The following TEX36 variants were observed in gnomAD, a reference collection of about 807,000 sequenced individuals.
The protein encoded by TEX36 is testis-expressed protein 36.
A neutral mutation model predicts 13.6 loss-of-function variants in TEX36; 12 were observed. The ratio of observed to expected loss-of-function variants is 0.88; its 90% CI spans 0.56 to 1.43. The LOEUF (loss-of-function observed/expected upper bound fraction) is 1.43, where lower values mean the gene tolerates loss of function less well. Ranked by LOEUF, TEX36 falls within the 40% of genes most tolerant of loss-of-function variation. The pLI is 0.00. For missense variants in TEX36, 224 were observed against 228.3 expected (o/e 0.98, Z 0.12); for synonymous variants, 93 against 83.0 (o/e 1.12, Z -0.65).
At chr10:125,588,012 A>G (rs146633966) in intron 3 of TEX36, among the ~76,000 whole-genome samples, 5 of 152,292 alleles carry the variant, frequency 3.3e-5, no homozygotes, top group African/African-American at 1.2e-4. Context: ...ACCATAATCT[A>G]TTTAATCATT....
At chr10:125,629,235 C>T (rs190511384) in intron 3 of TEX36, among the ~76,000 whole-genome samples, 2 of 152,146 alleles carry the variant, frequency 1.3e-5, no homozygotes, top group South Asian at 2.1e-4. Flanking sequence ...GCAAGGAGCA[C>T]CCTGTGATAG....
chr10:125,646,581 C>T lies in TEX36; in HGVS notation c.264+14440G>A, dbSNP rs529621357. Among the ~76,000 whole-genome samples, 89 of 152,100 alleles carry T rather than the reference C, an allele frequency of 5.9e-4. No individual in the cohort carries two copies. In the Middle Eastern group the frequency reaches 0.01, roughly 17 times the overall value. On this transcript the variant is annotated intron_variant, in intron 3 of 3. Transcript: ENST00000526819. ...TAGTAAACATGAAAGCATACATTAA[C>T]GAGATCAAAAGCAAACAACAGCAAC...
At chr10:125,596,417 C>T (rs569303963) in intron 3 of TEX36, among the ~76,000 whole-genome samples, 14 of 152,210 alleles carry the variant, frequency 9.2e-5, no homozygotes, top group African/African-American at 3.4e-4. Flanking sequence ...TAAAGCAAAA[C>T]TGTTGGCTTT....
chr10:125,654,281 C>A (rs1288469857), downstream of TEX36, among the ~76,000 whole-genome samples: 1 of 151,980 alleles, frequency 6.6e-6, no homozygotes. Flanking sequence ...TCTGCCAAAA[C>A]CAATCTAAAA....
At chr10:125,637,763 A>G (rs1052210902) in intron 3 of TEX36, among the ~76,000 whole-genome samples, 3 of 152,060 alleles carry the variant, frequency 2.0e-5, no homozygotes, top group East Asian at 1.9e-4. Flanking sequence ...CAGCGGCCTC[A>G]AGAACCTTGC....
intron 3 of TEX36, among the ~76,000 whole-genome samples, chr10:125,602,638 C>T (rs531893430): frequency 3.4e-4 from 52 of 152,248 alleles, no homozygotes; most frequent in African/African-American, 7.5e-4. Context: ...CTGTGAGTGC[C>T]GGCTCTGTGT....
intron 3 of TEX36, among the ~76,000 whole-genome samples, chr10:125,630,869 G>A (rs1019323759): frequency 1.3e-5 from 2 of 152,112 alleles, no homozygotes; most frequent in Admixed American, 1.3e-4. Flanking sequence ...AGTCTTCCAG[G>A]ATGTAGCTCT....
chr10:125,617,485 G>T (rs866263861), downstream of TEX36, among the ~76,000 whole-genome samples: 186 of 152,264 alleles, frequency 1.2e-3, 2 homozygotes, highest in Middle Eastern at 3.4e-3. Flanking sequence ...AGGCCTGGTG[G>T]TGACAAAATC....
chr10:125,610,507 G>A lies in TEX36; in HGVS notation c.265-33633C>T, dbSNP rs1477245583. 2.0e-5 allele frequency among the ~76,000 whole-genome samples: 3 copies of A among 151,688 alleles called. 1 individual carries two copies. Among genetic ancestry groups the A allele is most frequent in the African/African-American group, 7.3e-5 (3 of 40,960 alleles). On this transcript the variant is annotated intron_variant, in intron 3 of 3. Transcript: ENST00000532135. ...CTGAATCGGAACTTGTGTTTCAAAA[G>A]ATCTCCTGGCGATGCCCATGCATAT...
downstream of TEX36, among the ~76,000 whole-genome samples, chr10:125,650,812 GA>G (rs1299604136): frequency 2.0e-5 from 3 of 152,040 alleles, no homozygotes; most frequent in Non-Finnish European, 4.4e-5. Flanking sequence ...TGATCAAGGG[GA>G]TATCACCACC....
chr10:125,601,950 C>T (rs948396251), intron 3 of TEX36, among the ~76,000 whole-genome samples: 6 of 152,194 alleles, frequency 3.9e-5, no homozygotes, highest in Non-Finnish European at 8.8e-5. Flanking sequence ...TGTCCCTGCT[C>T]TTGCTGCTCT....
chr10:125,583,427 T>C (rs1228802141), intron 3 of TEX36, among the ~76,000 whole-genome samples: 1 of 151,918 alleles, frequency 6.6e-6, no homozygotes, highest in Non-Finnish European at 1.5e-5. Context: ...ATGAACGCTG[T>C]GTTTTTGCAT....
intron 1 of TEX36, 36 bp from the exon 2 acceptor site, chr10:125,662,013 C>T (rs1276949321): frequency 1.9e-6 from 3 of 1,552,108 alleles, no homozygotes; most frequent in East Asian, 4.9e-5. Context: ...TAAAACCAGA[C>T]ACATTTGAAT....
Position 125,673,931 on chromosome 10 carries a change from G to A in TEX36, c.51+9008C>T, listed in dbSNP as rs181961392. On this transcript the variant is annotated intron_variant, in intron 1 of 3. Transcript: ENST00000368821. Reference sequence around the variant, plus strand: ...TGATCTTCTTGTGGAATATCTTACTGGGGCTCTCTGTGTTTCCTGAATTTG... The same window carrying A: ...TGATCTTCTTGTGGAATATCTTACTAGGGCTCTCTGTGTTTCCTGAATTTG... Among the ~76,000 whole-genome samples, 3 of 152,070 alleles carry A rather than the reference G, an allele frequency of 2.0e-5. No individual in the cohort carries two copies. In the East Asian group the frequency reaches 5.8e-4, roughly 29 times the overall value.
chr10:125,674,974 C>T (rs930631992), intron 1 of TEX36, among the ~76,000 whole-genome samples: 18 of 152,248 alleles, frequency 1.2e-4, no homozygotes, highest in Admixed American at 7.2e-4. Flanking sequence ...GGGGAATCTC[C>T]GCTCATCCAG....
At position 125,661,085 on chromosome 10, in the gene TEX36, T is replaced by C. The variant is rs1375072643; in HGVS notation, c.200A>G (p.Gln67Arg). Residue 67 changes from glutamine to arginine, a missense_variant, in exon 3 of 4, where the codon CAG (glutamine) becomes CGG (arginine). By Grantham distance (43) the Gln-to-Arg change is conservative (BLOSUM62 1). Transcript: ENST00000368821. The stretch of plus-strand genomic sequence containing the variant: ...ATTGTCATGCACGGAGAAGGGGAAC[T>C]GGTTATTCACTGCTTGCTGGAAAAG... ...KVREKQAVNN[Q>R]FPFSVHDNRH... 6.4e-7 allele frequency: 1 copy of C among 1,552,000 alleles called. No homozygotes were observed. Among genetic ancestry groups the C allele is most frequent in the Non-Finnish European group, 8.7e-7 (1 of 1,147,046 alleles).
chr10:125,632,342 T>C (rs1252757493), intron 3 of TEX36, among the ~76,000 whole-genome samples: 3 of 152,180 alleles, frequency 2.0e-5, no homozygotes, highest in Non-Finnish European at 2.9e-5. Flanking sequence ...TGAAATCCTC[T>C]TGGCTTGTCT....
intron 3 of TEX36, among the ~76,000 whole-genome samples, chr10:125,634,608 A>G (rs1302509913): frequency 6.6e-6 from 1 of 152,226 alleles, no homozygotes; most frequent in Non-Finnish European, 1.5e-5. Flanking sequence ...GTAAAAGGTT[A>G]TCTTTTCTGC....
intron 1 of TEX36, among the ~76,000 whole-genome samples, chr10:125,664,820 T>C (rs1184440989): frequency 6.6e-6 from 1 of 152,228 alleles, no homozygotes; most frequent in Non-Finnish European, 1.5e-5. Context: ...TGTACTAATT[T>C]ACATTTCCAC....
Sources: allele counts gnomAD v4.1 joint callset (sites outside exome capture counted in the v4.1 genomes callset), GRCh38; gene constraint gnomAD v4.1.1; transcripts MANE v1.5; gene names NCBI Gene and HGNC (gene_info 2026-07-23, HGNC 2026-07-21).